Variants in BMERB1 observed in about 807,000 individuals in gnomAD.
The protein encoded by BMERB1 is bMERB domain-containing protein 1.
Under a neutral mutation model 23.6 loss-of-function variants are expected in BMERB1, and 12 were observed. That is an observed-to-expected ratio of 0.51 (90% CI 0.33 to 0.82). The LOEUF (loss-of-function observed/expected upper bound fraction) is 0.82, where lower values mean the gene tolerates loss of function less well. Ranked by LOEUF, BMERB1 falls within the 40% of genes least tolerant of loss-of-function variation. The pLI is 0.03. For synonymous variants in BMERB1, 122 were observed against 96.6 expected, an observed-to-expected ratio of 1.26 and a Z score of -1.54; for missense variants, 247 against 255.4, an observed-to-expected ratio of 0.97 and a Z score of 0.22.
At chr16:15,499,072 C>CT (rs1434055998) in intron 1 of BMERB1, among the ~76,000 whole-genome samples, 2 of 152,210 alleles carry the variant, frequency 1.3e-5, no homozygotes. Context: ...GAAAGAAACT[C>CT]TTTGTCTCAA....
At chr16:15,581,374 C>G (rs769145064) in intron 4 of BMERB1, 43 bp downstream of exon 4, 1 of 1,515,028 alleles carries the variant, frequency 6.6e-7, no homozygotes, top group Non-Finnish European at 9.1e-7. Flanking sequence ...TGCAGGACAG[C>G]AACCTTCTGC....
rs149020982 is a variant in BMERB1 at position 15,576,151 on chromosome 16, C to G, written c.305-5066C>G. 1.2e-3 allele frequency among the ~76,000 whole-genome samples: 187 copies of G among 150,996 alleles called. 1 individual carries two copies. The highest frequency in any genetic ancestry group is 3.4e-3 in the Middle Eastern group (1 of 294). On this transcript the variant is annotated intron_variant, in intron 3 of 5. Transcript: ENST00000300006. ...CCTCCGGGGTTCAAGTGAAGTGATT[C>G]TCCTGCCTCAGCCTCCTGAGTAGCT...
chr16:15,540,203 G>A (rs151230460), intron 2 of BMERB1, among the ~76,000 whole-genome samples: 1 of 151,940 alleles, frequency 6.6e-6, no homozygotes, highest in African/African-American at 2.4e-5. Flanking sequence ...TGCATTTATG[G>A]TGATGTAAAA....
intron 5 of BMERB1, among the ~76,000 whole-genome samples, 159 bp from the exon 6 acceptor site, chr16:15,586,558 A>G (rs929587027): frequency 6.6e-6 from 1 of 152,182 alleles, no homozygotes; most frequent in Non-Finnish European, 1.5e-5. Flanking sequence ...ATCATATGAA[A>G]TGTGCATCAG....
chr16:15,550,927 G>A (rs2030070728), intron 2 of BMERB1, among the ~76,000 whole-genome samples: 1 of 152,170 alleles, frequency 6.6e-6, no homozygotes, highest in Admixed American at 6.5e-5. Flanking sequence ...AGCTTTTGTT[G>A]GCATCAGCTT....
chr16:15,560,892 T>G (rs550666887), intron 2 of BMERB1, among the ~76,000 whole-genome samples: 2 of 151,236 alleles, frequency 1.3e-5, no homozygotes, highest in South Asian at 2.1e-4. Flanking sequence ...ACTTGTTAGC[T>G]CCATTCCTCA....
intron 4 of BMERB1, among the ~76,000 whole-genome samples, chr16:15,581,572 G>A (rs990761491): frequency 3.3e-5 from 5 of 152,178 alleles, no homozygotes; most frequent in African/African-American, 9.7e-5. Context: ...AAGTGACCAG[G>A]GAGGAGTCAC....
intron 2 of BMERB1, among the ~76,000 whole-genome samples, chr16:15,552,388 T>C (rs944998258): frequency 3.3e-5 from 5 of 151,416 alleles, no homozygotes; most frequent in Non-Finnish European, 7.4e-5. Context: ...TGCAGTGAGC[T>C]GAGATTGCAC....
intron 2 of BMERB1, among the ~76,000 whole-genome samples, chr16:15,540,233 A>C (rs2052065706): frequency 6.6e-6 from 1 of 152,176 alleles, no homozygotes; most frequent in African/African-American, 2.4e-5. Flanking sequence ...AACATAAAGA[A>C]AAGTATTAAA....
intron 1 of BMERB1, among the ~76,000 whole-genome samples, chr16:15,500,228 G>T (rs1177731534): frequency 6.6e-6 from 1 of 152,168 alleles, no homozygotes; most frequent in Non-Finnish European, 1.5e-5. Flanking sequence ...AGGGGATTCT[G>T]GGTCACAGCT....
At chr16:15,549,178 A>C (rs751224372) in intron 2 of BMERB1, among the ~76,000 whole-genome samples, 25 of 151,868 alleles carry the variant, frequency 1.6e-4, no homozygotes, top group Middle Eastern at 3.4e-3. Flanking sequence ...AACTCTACTA[A>C]AAATACAAAA....
chr16:15,548,136 C>G (rs1051179064), intron 2 of BMERB1, among the ~76,000 whole-genome samples: 5 of 152,040 alleles, frequency 3.3e-5, no homozygotes, highest in Admixed American at 1.3e-4. Context: ...AGCTGTGCAC[C>G]ACCATGCCTG....
intron 2 of BMERB1, among the ~76,000 whole-genome samples, chr16:15,559,147 A>G (rs994608925): frequency 6.6e-6 from 1 of 152,194 alleles, no homozygotes; most frequent in South Asian, 2.1e-4. Context: ...ATATGGCACT[A>G]TGACACATAC....
At position 15,434,725 on chromosome 16, in the gene BMERB1, G is replaced by T; in HGVS notation, c.72G>T (p.Glu24Asp). 59 of 1,605,450 alleles carry T rather than the reference G, an allele frequency of 3.7e-5. No homozygotes were observed. The highest frequency in any genetic ancestry group is 4.9e-5 in the Non-Finnish European group (58 of 1,175,166). ...EKPLRRYGAV[E>D]ETAWKTERLG... ...CTCTGAGGCGCTATGGGGCGGTGGAGGAGACGGCTTGGAAAACGGAGAGAC... is the reference window on the plus strand; with the variant it reads ...CTCTGAGGCGCTATGGGGCGGTGGATGAGACGGCTTGGAAAACGGAGAGAC... Residue 24 changes from glutamate to aspartate, a missense_variant, in exon 1 of 6, where the codon GAG becomes GAT. Glu to Asp is a conservative substitution (Grantham distance 45, BLOSUM62 2). Coordinates refer to ENST00000300006, the MANE Select transcript of BMERB1 (RefSeq NM_033201.3).
chr16:15,560,169 G>T (rs1177342049), intron 2 of BMERB1, among the ~76,000 whole-genome samples: 1 of 152,304 alleles, frequency 6.6e-6, no homozygotes, highest in Admixed American at 6.5e-5. Flanking sequence ...CGTGAATCCC[G>T]TCAGCAGTTC....
rs772506241 is a variant in BMERB1, at chr16:15,586,869, C to CA, written c.*41dup. ...GCCCTGGGCCATGGGGACCCCCCCC[C>CA]ACCCTCTTGTCTTTATAGCCCCCAT... On this transcript the variant is annotated 3_prime_UTR_variant, in exon 6 of 6. Coordinates refer to ENST00000300006, the MANE Select transcript of BMERB1 (RefSeq NM_033201.3). The CA allele has an allele frequency of 4.6e-6, 6 of 1,302,406 alleles. No individual in the cohort carries two copies. Among genetic ancestry groups the CA allele is most frequent in the Admixed American group, 4.4e-5 (2 of 45,638 alleles). 80.7% of individuals were successfully genotyped at this position (1,302,406 alleles called of 1,614,324 possible). A position where few individuals can be genotyped will look rare whatever the true frequency, so the allele number is the denominator to read the frequency against.
At chr16:15,496,010 T>C (rs1409266507) in intron 1 of BMERB1, among the ~76,000 whole-genome samples, 1 of 151,990 alleles carries the variant, frequency 6.6e-6, no homozygotes, top group Non-Finnish European at 1.5e-5. Context: ...GTGGTGGTGG[T>C]GATAGTGGTG....
chr16:15,581,204 GTCT>G lies in BMERB1; in HGVS notation c.305-8_305-6del. ...AATGCTCATCTGTCTCCTTGTTGAT[GTCT>G]TCTTTCCAGAAAAAGAAAAAACCAA... On this transcript the variant is annotated splice_polypyrimidine_tract_variant and intron_variant, in intron 3 of 5. Transcript: ENST00000300006. The G allele has an allele frequency of 6.3e-7, 1 of 1,595,922 alleles. No homozygotes were observed. Among genetic ancestry groups the G allele is most frequent in the Non-Finnish European group, 8.6e-7 (1 of 1,169,192 alleles).
intron 1 of BMERB1, among the ~76,000 whole-genome samples, chr16:15,496,543 ATT>A (rs773978025): frequency 2.8e-4 from 40 of 144,662 alleles, no homozygotes; most frequent in Admixed American, 1.5e-3. Context: ...TACAAGGGAA[ATT>A]TTTTTTTTTT....
Sources: gnomAD v4.1 joint callset for allele counts (sites outside exome capture counted in the v4.1 genomes callset) on GRCh38, gnomAD v4.1.1 for gene constraint, MANE v1.5 for transcripts, NCBI Gene and HGNC (gene_info 2026-07-23, HGNC 2026-07-21) for gene names.